PDE1A: variants seen among roughly 807,000 people sequenced by gnomAD.
PDE1A encodes the protein dual specificity calcium/calmodulin-dependent 3',5'-cyclic nucleotide phosphodiesterase 1A.
In PDE1A, 35 loss-of-function variants were observed where a neutral mutation model predicts 61.7. The ratio of observed to expected loss-of-function variants is 0.57; its 90% confidence interval spans 0.43 to 0.75. PDE1A has a LOEUF of 0.75. PDE1A is among the 30% of genes least tolerant of loss of function. The pLI, the probability that PDE1A is intolerant of heterozygous loss-of-function variation, is 0.00. For synonymous variants in PDE1A, 232 were observed against 213.2 expected (o/e 1.09, Z -0.77); for missense variants, 597 against 630.6 (o/e 0.95, Z 0.57).
At chr2:182,588,766 G>A in the PDE1A span, among the ~76,000 whole-genome samples, 41 of 152,108 alleles carry the variant, frequency 2.7e-4, no homozygotes, top group Admixed American at 4.6e-4. Flanking sequence ...ATTTTTAGCC[G>A]GGCGCTATGG....
chr2:182,239,114 A>G (rs183300756), intron 3 of PDE1A, among the ~76,000 whole-genome samples: 1 of 152,296 alleles, frequency 6.6e-6, no homozygotes, highest in African/African-American at 2.4e-5. Context: ...GTTGCCATGC[A>G]TTCTCATTTA....
the PDE1A span, among the ~76,000 whole-genome samples, chr2:182,553,110 C>A: frequency 6.6e-6 from 1 of 152,240 alleles, no homozygotes; most frequent in Non-Finnish European, 1.5e-5. Context: ...CCACGGTTCT[C>A]TTCCGTGACC....
At chr2:182,506,557 A>C (rs1689423936) in intron 2 of PDE1A, among the ~76,000 whole-genome samples, 1 of 152,198 alleles carries the variant, frequency 6.6e-6, no homozygotes, top group African/African-American at 2.4e-5. Flanking sequence ...TGAACTAATC[A>C]AATATTAGCA....
At chr2:182,675,602 A>T in the PDE1A span, among the ~76,000 whole-genome samples, 1 of 152,158 alleles carries the variant, frequency 6.6e-6, no homozygotes, top group Non-Finnish European at 1.5e-5. Flanking sequence ...ATTTCTCTGC[A>T]ACTTCTCCAG....
At chr2:182,524,822 CCT>C (rs1450701786), upstream of PDE1A, among the ~76,000 whole-genome samples, 1 of 151,588 alleles carries the variant, frequency 6.6e-6, no homozygotes, top group Non-Finnish European at 1.5e-5. Context: ...TTTGTATGTC[CCT>C]CATTTCTCAT....
the PDE1A span, among the ~76,000 whole-genome samples, chr2:182,713,844 ACT>A: frequency 6.6e-6 from 1 of 151,778 alleles, no homozygotes; most frequent in African/African-American, 2.4e-5. Context: ...TTTCACCCAA[ACT>A]CTGAACAGAG....
At chr2:182,541,343 T>G in the PDE1A span, among the ~76,000 whole-genome samples, 5 of 152,222 alleles carry the variant, frequency 3.3e-5, no homozygotes, top group Non-Finnish European at 5.9e-5. Context: ...TTCCAGTTTC[T>G]TCATCTATAA....
chr2:182,280,494 T>G (rs184454899), intron 1 of PDE1A, among the ~76,000 whole-genome samples: 85 of 152,096 alleles, frequency 5.6e-4, no homozygotes, highest in African/African-American at 1.9e-3. Context: ...TTCTGAATGC[T>G]AAAAATTTTG....
intron 1 of PDE1A, among the ~76,000 whole-genome samples, chr2:182,412,623 G>C (rs1009405309): frequency 1.3e-5 from 2 of 152,200 alleles, no homozygotes; most frequent in Admixed American, 6.5e-5. Context: ...ACGGGCTTGA[G>C]AGTTGATGTG....
chr2:182,390,157 C>T (rs1701340710), intron 1 of PDE1A, among the ~76,000 whole-genome samples: 2 of 152,118 alleles, frequency 1.3e-5, no homozygotes, highest in South Asian at 4.1e-4. Flanking sequence ...CTAGTTCTGT[C>T]CCTCTAGAGA....
At chr2:182,521,218 T>TA (rs1447641806) in intron 2 of PDE1A, among the ~76,000 whole-genome samples, 1 of 151,962 alleles carries the variant, frequency 6.6e-6, no homozygotes, top group African/African-American at 2.4e-5. Context: ...TAATTTTCTT[T>TA]AAAAAAATAT....
At chr2:182,553,214 G>A in the PDE1A span, among the ~76,000 whole-genome samples, 265 of 152,268 alleles carry the variant, frequency 1.7e-3, 1 homozygote, top group African/African-American at 6.1e-3. Flanking sequence ...CAGAGAACAC[G>A]AGGCTTGCCA....
chr2:182,494,283 A>G (rs917314380), intron 2 of PDE1A, among the ~76,000 whole-genome samples: 1 of 148,734 alleles, frequency 6.7e-6, no homozygotes, highest in African/African-American at 2.5e-5. Flanking sequence ...AGCTTACAAG[A>G]TCATTTGGAT....
intron 1 of PDE1A, among the ~76,000 whole-genome samples, chr2:182,320,778 C>T (rs991317851): frequency 6.6e-6 from 1 of 152,162 alleles, no homozygotes; most frequent in African/African-American, 2.4e-5. Context: ...TGTCATTTGA[C>T]AGAAGATCTT....
exon 15 of PDE1A, chr2:182,141,064 T>TCTTATAGA (rs1388653287): frequency 1.3e-5 from 2 of 152,094 alleles, no homozygotes; most frequent in South Asian, 2.1e-4. Context: ...ATTCTTTATA[T>TCTTATAGA]TCCTCTACTT....
the PDE1A span, among the ~76,000 whole-genome samples, chr2:182,648,406 T>G: frequency 6.7e-6 from 1 of 148,410 alleles, no homozygotes; most frequent in Non-Finnish European, 1.5e-5. Context: ...GCACAGTGGC[T>G]CACACCTGTA....
chr2:182,624,731 C>A, the PDE1A span, among the ~76,000 whole-genome samples: 1 of 152,134 alleles, frequency 6.6e-6, no homozygotes, highest in Non-Finnish European at 1.5e-5. Flanking sequence ...TCTTATTGGG[C>A]TCTCAGAACC....
chr2:182,673,647 G>A, the PDE1A span, among the ~76,000 whole-genome samples: 30 of 151,360 alleles, frequency 2.0e-4, no homozygotes, highest in African/African-American at 5.3e-4. Context: ...TTAAGATTTC[G>A]TTTTAATTTT....
the PDE1A span, among the ~76,000 whole-genome samples, chr2:182,713,279 T>C: frequency 1.3e-5 from 2 of 152,202 alleles, no homozygotes; most frequent in African/African-American, 4.8e-5. Flanking sequence ...GTGTCCTCTA[T>C]TATCCTACTT....
Sources: allele counts gnomAD v4.1 joint callset (sites outside exome capture counted in the v4.1 genomes callset), GRCh38; gene constraint gnomAD v4.1.1; transcripts MANE v1.5; gene names NCBI Gene and HGNC (gene_info 2026-07-23, HGNC 2026-07-21).